The following PLCD3 variants were observed in gnomAD, a reference collection of about 807,000 sequenced individuals.
PLCD3 encodes the protein 1-phosphatidylinositol 4,5-bisphosphate phosphodiesterase delta-3.
In PLCD3, 62 loss-of-function variants were observed where a neutral mutation model predicts 82.8. That is an observed-to-expected ratio of 0.75 (90% confidence interval 0.61 to 0.93). PLCD3 has a LOEUF of 0.93. Among genes scored for constraint, PLCD3 ranks in the 40% least tolerant of loss-of-function variants. PLCD3 has a pLI of 0.00. For missense variants in PLCD3, 1,023 were observed against 1,103.4 expected (o/e 0.93, Z 1.03); for synonymous variants, 478 against 471.8 (o/e 1.01, Z -0.17).
rs1265835754 is a variant in PLCD3 at position 45,114,279 on chromosome 17, T to G, written c.1799A>C (p.Gln600Pro). The change falls in exon 11 of 15, where the codon CAG (glutamine) becomes CCG (proline). Residue 600 changes from glutamine to proline, a missense_variant. By Grantham distance (76) the Gln-to-Pro change is moderately conservative (BLOSUM62 -1). Around this residue, in one of 3 missense-constraint regions of PLCD3, gnomAD observed 553 missense variants for 655.7 expected, o/e 0.84. Transcript: ENST00000619929. ...LRMNSANYSP[Q>P]EMWNSGCQLV... ...CTGACAGCCCGAGTTCCACATCTCC[T>G]GGGGACTGTAGTTGGCTGAGTTCAT... 1.9e-6 allele frequency: 3 copies of G among 1,546,510 alleles called. No individual in the cohort carries two copies. The highest frequency in any genetic ancestry group is 2.6e-6 in the Non-Finnish European group (3 of 1,145,006).
intron 1 of PLCD3, among the ~76,000 whole-genome samples, chr17:45,123,087 C>A (rs1228068024): frequency 6.6e-6 from 1 of 152,106 alleles, no homozygotes; most frequent in Non-Finnish European, 1.5e-5. Context: ...TTTCGACAAG[C>A]CCCTAATACT....
In PLCD3 at chr17:45,110,662, C is replaced by G. The variant is rs1810427468; in HGVS notation, c.*1954G>C. 1 of 152,166 alleles carries G rather than the reference C, an allele frequency of 6.6e-6. No individual in the cohort carries two copies. Among genetic ancestry groups the G allele is most frequent in the South Asian group, 2.1e-4 (1 of 4,834 alleles). The allele number at this position is 152,166 out of a possible 1,614,324, so 9.4% of individuals were successfully genotyped here. Reference sequence around the variant, plus strand: ...CAGGGGCTGGGCAATGCTAATGGCTCTTCATTTGCTAAAACTGGACTTAGC... The same window carrying G: ...CAGGGGCTGGGCAATGCTAATGGCTGTTCATTTGCTAAAACTGGACTTAGC... On this transcript the variant is annotated 3_prime_UTR_variant, in exon 15 of 15. Coordinates refer to ENST00000619929, the MANE Select transcript of PLCD3 (RefSeq NM_133373.5).
chr17:45,118,869 C>A lies in PLCD3; in HGVS notation c.859G>T (p.Ala287Ser), dbSNP rs763019720. The change falls in exon 5 of 15, where the codon GCC (alanine) becomes TCC (serine). Residue 287 changes from alanine (A) to serine (S), a missense_variant. By Grantham distance (99) the Ala-to-Ser change is moderately conservative. Coordinates refer to ENST00000619929, the MANE Select transcript of PLCD3 (RefSeq NM_133373.5). The surrounding 1 kb of genome is among the most constrained non-coding windows in gnomAD (Gnocchi z 4.1). ...AGCTGCTGGGCGCGGGCCAGTGTGGCGCCCTCCTCGCCCTGGTCCTCCAGG... is the reference window on the plus strand; with the variant it reads ...AGCTGCTGGGCGCGGGCCAGTGTGGAGCCCTCCTCGCCCTGGTCCTCCAGG... ...EFLEDQGEEG[A>S]TLARAQQLIQ... The A allele has an allele frequency of 6.2e-7, 1 of 1,611,814 alleles. No individual in the cohort carries two copies.
Position 45,108,979 on chromosome 17 carries a change from T to C in PLCD3, c.*3637A>G, listed in dbSNP as rs141266275. ...ATGCATTGTTGTTCTGCTCAATACA[T>C]CTCACTTGTTTCTAATAAAGAAAGC... is the stretch of plus-strand genomic sequence containing the variant. On this transcript the variant is annotated 3_prime_UTR_variant, in exon 15 of 15. Transcript: ENST00000619929. 151 of 152,708 alleles carry C rather than the reference T, an allele frequency of 9.9e-4. No homozygotes were observed. The highest frequency in any genetic ancestry group is 3.5e-3 in the African/African-American group (147 of 41,544). 9.5% of individuals were successfully genotyped at this position (152,708 alleles called of 1,614,324 possible). A position where few individuals can be genotyped will look rare whatever the true frequency, so the allele number is the denominator to read the frequency against.
intron 1 of PLCD3, among the ~76,000 whole-genome samples, chr17:45,125,318 G>T (rs2143585523): frequency 6.6e-6 from 1 of 151,938 alleles, no homozygotes; most frequent in Non-Finnish European, 1.5e-5. Flanking sequence ...TAAAACATTA[G>T]CTGGGCATGG....
In PLCD3 at chr17:45,121,265, C is replaced by T. The variant is rs749098331; in HGVS notation, c.271G>A (p.Gly91Ser). The change falls in exon 2 of 15, where the codon GGC becomes AGC. Residue 91 changes from glycine to serine, a missense_variant. This residue lies in a region of PLCD3 where 448 missense variants were observed against 406.3 expected (regional missense o/e 1.10). Coordinates refer to ENST00000619929, the MANE Select transcript of PLCD3 (RefSeq NM_133373.5). ...CGCCGCTGGAACCACACGCTCAGGCCGTCCTCCTGCAGCCGGTACAGCCGC... is the reference window on the plus strand; with the variant it reads ...CGCCGCTGGAACCACACGCTCAGGCTGTCCTCCTGCAGCCGGTACAGCCGC... ...KERLYRLQED[G>S]LSVWFQRRIP... is the part of the protein sequence containing the mutation. 2.3e-5 allele frequency: 36 copies of T among 1,591,442 alleles called. No homozygotes were observed. Among genetic ancestry groups the T allele is most frequent in the Non-Finnish European group, 3.0e-5 (35 of 1,177,038 alleles).
At position 45,121,103 on chromosome 17, in the gene PLCD3, C is replaced by A; in HGVS notation, c.353G>T (p.Arg118Leu). 6.5e-7 allele frequency: 1 copy of A among 1,528,368 alleles called. No homozygotes were observed. 94.7% of individuals were successfully genotyped at this position (1,528,368 alleles called of 1,614,324 possible). The change falls in exon 3 of 15, where the codon CGC (arginine) becomes CTC (leucine). Residue 118 changes from arginine to leucine, a missense_variant. This residue lies in a region of PLCD3 where 448 missense variants were observed against 406.3 expected (regional missense o/e 1.10). Coordinates refer to ENST00000619929, the MANE Select transcript of PLCD3 (RefSeq NM_133373.5). ...IFFVQHIEAV[R>L]EGHQSEGLRR... ...CAGGCCCTCGGACTGGTGGCCCTCG[C>A]GGACCGCCTCGATGTGCTGCACGAA...
chr17:45,121,321 C>CG lies in PLCD3; in HGVS notation c.214dup (p.Arg72ProfsTer87). 6.4e-7 allele frequency: 1 copy of CG among 1,561,492 alleles called. No homozygotes were observed. Among genetic ancestry groups the CG allele is most frequent in the Non-Finnish European group, 8.6e-7 (1 of 1,162,428 alleles). On this transcript the variant is annotated frameshift_variant, in exon 2 of 15. Transcript: ENST00000619929. LOFTEE classifies it high-confidence loss of function. ...GTGCCACGTGCGCGAGCGGATCTTGCGGAGCCGGGAGCCCCGCAGCATGGC... is the reference window on the plus strand; with the variant it reads ...GTGCCACGTGCGCGAGCGGATCTTGCGGGAGCCGGGAGCCCCGCAGCATGGC...
Position 45,118,009 on chromosome 17 carries a change from G to A in PLCD3, c.1245C>T (p.Arg415=), listed in dbSNP as rs372751322. The change falls in exon 7 of 15, where the codon CGC becomes CGT. Residue 415 remains arginine (R), a synonymous_variant. Coordinates refer to ENST00000619929, the MANE Select transcript of PLCD3 (RefSeq NM_133373.5). The surrounding 1 kb of genome is among the most constrained non-coding windows in gnomAD (Gnocchi z 4.1). ...ILFRDVVQAV[R]DHAFTLSPYP... ...AGGGGCTCACCGTGAAGGCATGGTCGCGCACGGCTTGGACCACGTCCCGGA... is the reference window on the plus strand; with the variant it reads ...AGGGGCTCACCGTGAAGGCATGGTCACGCACGGCTTGGACCACGTCCCGGA... 5.8e-5 allele frequency: 93 copies of A among 1,613,398 alleles called. No homozygotes were observed. The Middle Eastern group carries it at 2.1e-3, about 37-fold the overall frequency.
chr17:45,124,685 G>A (rs1291246331), intron 1 of PLCD3, among the ~76,000 whole-genome samples: 1 of 152,262 alleles, frequency 6.6e-6, no homozygotes. Context: ...TATAGGTCCT[G>A]CCAGGCCCAA....
chr17:45,130,969 C>T (rs1402983702), intron 1 of PLCD3, among the ~76,000 whole-genome samples: 1 of 151,784 alleles, frequency 6.6e-6, no homozygotes, highest in African/African-American at 2.4e-5. Context: ...TGTCTGATCT[C>T]CCTGCTGGAA....
intron 8 of PLCD3, among the ~76,000 whole-genome samples, chr17:45,116,147 G>A (rs1002271481): frequency 6.6e-6 from 1 of 152,220 alleles, no homozygotes; most frequent in Non-Finnish European, 1.5e-5. Flanking sequence ...TGTCTGGAGA[G>A]AGCCGAGGAC....
rs147990399 is a variant in PLCD3 at position 45,114,403 on chromosome 17, G to A, written c.1712-37C>T. The A allele has an allele frequency of 4.2e-4, 637 of 1,505,112 alleles. 2 individuals carry two copies. In the African/African-American group the frequency reaches 7.2e-3, roughly 17 times the overall value. The allele number at this position is 1,505,112 out of a possible 1,614,324, so 93.2% of individuals were successfully genotyped here. ...TTGGGGTGAGACCGTGACAGACTCCGGGGGTCCCTCACCCAAAGCCCCGGC... is the reference window on the plus strand; with the variant it reads ...TTGGGGTGAGACCGTGACAGACTCCAGGGGTCCCTCACCCAAAGCCCCGGC... On this transcript the variant is annotated intron_variant, in intron 10 of 14. Coordinates refer to ENST00000619929, the MANE Select transcript of PLCD3 (RefSeq NM_133373.5).
intron 4 of PLCD3, 83 bp from the exon 5 acceptor site, chr17:45,119,126 C>A: frequency 2.8e-6 from 3 of 1,059,418 alleles, no homozygotes; most frequent in Non-Finnish European, 4.1e-6. Flanking sequence ...TCTACCACAT[C>A]TGAGAAGGCA....
At chr17:45,115,063 GC>G in intron 10 of PLCD3, 30 bp downstream of exon 10, 2 of 1,572,350 alleles carry the variant, frequency 1.3e-6, no homozygotes, top group Admixed American at 1.8e-5. Context: ...TCACCCTCTC[GC>G]CCCCAGACAC....
At chr17:45,127,992 A>G (rs1197976974) in intron 1 of PLCD3, among the ~76,000 whole-genome samples, 3 of 152,070 alleles carry the variant, frequency 2.0e-5, no homozygotes, top group Non-Finnish European at 4.4e-5. Flanking sequence ...GTAGAGAAAG[A>G]GCGTTTCCAG....
chr17:45,131,068 C>T (rs1255659032), intron 1 of PLCD3, among the ~76,000 whole-genome samples: 1 of 152,228 alleles, frequency 6.6e-6, no homozygotes, highest in Non-Finnish European at 1.5e-5. Flanking sequence ...CCATGGGCAC[C>T]GCATAAGTGC....
chr17:45,113,648 T>C lies in PLCD3; in HGVS notation c.1829-43A>G, dbSNP rs552741404. On this transcript the variant is annotated intron_variant, in intron 11 of 14. Transcript: ENST00000619929. ...TCAGAGCAGGGGCTCTTAGCGGCCC[T>C]GTTCTCACTACTCAGTTTCAGGGGA... 5.1e-5 allele frequency: 79 copies of C among 1,544,014 alleles called. No individual in the cohort carries two copies. In the East Asian group the frequency reaches 1.8e-3, roughly 35 times the overall value.
chr17:45,126,345 C>CTCTT (rs2054381226), intron 1 of PLCD3, among the ~76,000 whole-genome samples: 1 of 72,904 alleles, frequency 1.4e-5, no homozygotes. Context: ...TGCGCCCAGC[C>CTCTT]TATTTTTTTT....
Sources: allele counts gnomAD v4.1 joint callset (sites outside exome capture counted in the v4.1 genomes callset), GRCh38; gene constraint gnomAD v4.1.1; regional missense constraint gnomAD v4.1.1; non-coding constraint Gnocchi (gnomAD v3.1); transcripts MANE v1.5; gene names NCBI Gene and HGNC (gene_info 2026-07-23, HGNC 2026-07-21).